The following SUCO variants were observed in gnomAD, a reference collection of about 807,000 sequenced individuals.
SUCO encodes the protein SUN domain-containing ossification factor.
Under a neutral mutation model 148.1 loss-of-function variants are expected in SUCO, and 57 were observed. The ratio of observed to expected loss-of-function variants is 0.38; its 90% CI spans 0.31 to 0.48. SUCO has a LOEUF of 0.48. SUCO is among the 20% of genes least tolerant of loss of function. The probability of loss-of-function intolerance (pLI) is 0.96; values close to 1 mark genes in which losing one functional copy is unlikely to be tolerated. For missense variants in SUCO, 1,331 were observed against 1,468.2 expected, an observed-to-expected ratio of 0.91 and a Z score of 1.53; for synonymous variants, 470 against 502.7, an observed-to-expected ratio of 0.93 and a Z score of 0.87.
chr1:172,606,188 AT>A (rs1305478538), intron 22 of SUCO, among the ~76,000 whole-genome samples: 7 of 151,614 alleles, frequency 4.6e-5, no homozygotes, highest in Non-Finnish European at 8.9e-5. Context: ...TTTTGCATCT[AT>A]ATGAATAAGA....
At position 172,610,138 on chromosome 1, in the gene SUCO, T is replaced by G. The variant is rs1192555320; in HGVS notation, c.3644T>G (p.Leu1215Trp). The change falls in exon 24 of 24, where the codon TTG becomes TGG. Residue 1215 changes from leucine (L) to tryptophan (W), a missense_variant. Around this residue, in one of 3 missense-constraint regions of SUCO, gnomAD observed 334 missense variants for 352.3 expected, o/e 0.95. Coordinates refer to ENST00000263688, the MANE Select transcript of SUCO (RefSeq NM_014283.5). ...TCTAAAGTCCAAGACCAAGGAAAAT[T>G]GATAAAAACTCTAATACAGACTAAG... The part of the protein sequence containing the change: ...RRSKVQDQGK[L>W]IKTLIQTKSG... 6.2e-7 allele frequency: 1 copy of G among 1,613,616 alleles called. No individual in the cohort carries two copies. The highest frequency in any genetic ancestry group is 8.5e-7 in the Non-Finnish European group (1 of 1,179,816).
In SUCO at chr1:172,589,539, C is replaced by G; in HGVS notation, c.2438C>G (p.Ser813Cys). The G allele has an allele frequency of 6.2e-7, 1 of 1,613,660 alleles. No homozygotes were observed. The highest frequency in any genetic ancestry group is 8.5e-7 in the Non-Finnish European group (1 of 1,179,828). The change falls in exon 18 of 24, where the codon TCC (serine) becomes TGC (cysteine). Residue 813 changes from serine to cysteine, a missense_variant. Physicochemically the swap from Ser to Cys is moderately radical, Grantham distance 112. Transcript: ENST00000263688. The stretch of plus-strand genomic sequence containing the variant: ...AATATTATAAAAGAAGATGTGAACT[C>G]CATGCAAATTTTCACAAAGCTGTCT... ...MDNIIKEDVN[S>C]MQIFTKLSET...
chr1:172,551,405 T>A (rs1653285947), intron 1 of SUCO, 107 bp from the exon 2 acceptor site: 1 of 597,752 alleles, frequency 1.7e-6, no homozygotes, highest in Non-Finnish European at 2.9e-6. Flanking sequence ...TCTGTCTGTT[T>A]ATCGCCTCAA....
At chr1:172,609,223 T>TG (rs1445592103) in intron 23 of SUCO, 1 of 980,284 alleles carries the variant, frequency 1.0e-6, no homozygotes, top group East Asian at 1.1e-4. Context: ...CCTCATTTTT[T>TG]TTTTTAATAA....
Position 172,533,191 on chromosome 1 carries a change from G to C in SUCO, c.-245G>C. ...GGCTGCAGGAGGCGGGCGTGGACGA[G>C]CCGGTGGCTGCAGCGGCGGCGGTCC... On this transcript the variant is annotated 5_prime_UTR_variant, in exon 1 of 24. Transcript: ENST00000263688. 1 of 1,502,340 alleles carries C rather than the reference G, an allele frequency of 6.7e-7. No homozygotes were observed. The highest frequency in any genetic ancestry group is 1.3e-5 in the South Asian group (1 of 78,912). The allele number at this position is 1,502,340 out of a possible 1,614,324, so 93.1% of individuals were successfully genotyped here.
Position 172,589,380 on chromosome 1 carries a change from T to A in SUCO, c.2279T>A (p.Ile760Lys), listed in dbSNP as rs767315378. ...TCTGTTGAATATGAGGCAGGACATA[T>A]ACCATCACCAGTGATTCCCCAAGAG... is the stretch of plus-strand genomic sequence containing the variant. ...SESVEYEAGHIPSPVIPQESS... is the reference protein window; with the variant it reads ...SESVEYEAGHKPSPVIPQESS... Residue 760 changes from isoleucine to lysine, a missense_variant, in exon 18 of 24, where the codon ATA becomes AAA. By Grantham distance (102) the Ile-to-Lys change is moderately radical. Coordinates refer to ENST00000263688, the MANE Select transcript of SUCO (RefSeq NM_014283.5). The A allele has an allele frequency of 6.2e-7, 1 of 1,613,786 alleles. No homozygotes were observed.
intron 21 of SUCO, 69 bp from the exon 22 acceptor site, chr1:172,602,627 C>T: frequency 6.3e-7 from 1 of 1,578,436 alleles, no homozygotes; most frequent in Non-Finnish European, 8.6e-7. Flanking sequence ...TCTGTGTAGC[C>T]TCAACAAAAG....
chr1:172,557,441 C>G lies in SUCO; in HGVS notation c.581+24C>G, dbSNP rs1340964025. On this transcript the variant is annotated intron_variant, in intron 5 of 23. Transcript: ENST00000263688. Reference sequence around the variant, plus strand: ...AGGTGGGTAGGAGCAGTTGTTTGTCCTTCTTATGATTCTGTAATAACAGCA... The same window carrying G: ...AGGTGGGTAGGAGCAGTTGTTTGTCGTTCTTATGATTCTGTAATAACAGCA... 22 of 1,613,142 alleles carry G rather than the reference C, an allele frequency of 1.4e-5. No individual in the cohort carries two copies. The South Asian group carries it at 2.3e-4, about 17-fold the overall frequency.
intron 6 of SUCO, among the ~76,000 whole-genome samples, chr1:172,559,396 T>G (rs1653976304): frequency 6.6e-6 from 1 of 152,226 alleles, no homozygotes; most frequent in Non-Finnish European, 1.5e-5. Context: ...AAGTGTATGT[T>G]TCTTGTTTAT....
At chr1:172,595,056 T>C (rs1205616391) in intron 19 of SUCO, among the ~76,000 whole-genome samples, 1 of 152,236 alleles carries the variant, frequency 6.6e-6, no homozygotes, top group African/African-American at 2.4e-5. Context: ...TTTGTCTCTT[T>C]TGATCTTTGT....
chr1:172,587,961 C>A, intron 17 of SUCO: 1 of 379,950 alleles, frequency 2.6e-6, no homozygotes. Flanking sequence ...CTGTATGCCA[C>A]ATACATACTC....
chr1:172,578,231 A>G, intron 13 of SUCO, 67 bp from the exon 14 acceptor site: 2 of 1,200,872 alleles, frequency 1.7e-6, no homozygotes, highest in South Asian at 2.5e-5. Context: ...TTTGTCATTT[A>G]TTGTGAAGAG....
At chr1:172,605,683 T>G (rs889093204) in intron 22 of SUCO, among the ~76,000 whole-genome samples, 1 of 151,884 alleles carries the variant, frequency 6.6e-6, no homozygotes, top group African/African-American at 2.4e-5. Context: ...ACTTTCTATA[T>G]AAGCAGTGTC....
At chr1:172,579,173 ATAAT>A in intron 14 of SUCO, 25 bp from the exon 15 acceptor site, 1 of 1,294,416 alleles carries the variant, frequency 7.7e-7, no homozygotes, top group East Asian at 2.3e-5. Flanking sequence ...AGATCTCAGC[ATAAT>A]TACTTTTATT....
intron 20 of SUCO, among the ~76,000 whole-genome samples, chr1:172,600,993 T>C (rs1335559916): frequency 6.6e-6 from 1 of 152,220 alleles, no homozygotes; most frequent in African/African-American, 2.4e-5. Context: ...TTCAAGATAT[T>C]GGCAGAGGCC....
At chr1:172,574,056 CA>C in intron 10 of SUCO, 58 bp downstream of exon 10, 4 of 985,396 alleles carry the variant, frequency 4.1e-6, no homozygotes, top group African/African-American at 1.7e-5. Flanking sequence ...AAAAGAAAAA[CA>C]AAAAAACAAA....
intron 9 of SUCO, 35 bp from the exon 10 acceptor site, chr1:172,573,856 T>G: frequency 1.7e-6 from 2 of 1,158,784 alleles, no homozygotes; most frequent in East Asian, 2.4e-5. Context: ...GTTATTTTGA[T>G]TGGTTTAAGT....
chr1:172,590,618 A>C (rs948055838), intron 18 of SUCO, among the ~76,000 whole-genome samples: 1 of 152,142 alleles, frequency 6.6e-6, no homozygotes, highest in East Asian at 1.9e-4. Context: ...CATCTCTTAA[A>C]TTGAAATGCC....
At chr1:172,588,160 T>C (rs1390804081) in intron 17 of SUCO, 20 of 985,162 alleles carry the variant, frequency 2.0e-5, no homozygotes, top group Non-Finnish European at 2.3e-5. Flanking sequence ...GATAATCCTA[T>C]GTGTGTAGGT....
Sources: gnomAD v4.1 joint callset for allele counts (sites outside exome capture counted in the v4.1 genomes callset) on GRCh38, gnomAD v4.1.1 for gene constraint, gnomAD v4.1.1 regional missense constraint, MANE v1.5 for transcripts, NCBI Gene and HGNC (gene_info 2026-07-23, HGNC 2026-07-21) for gene names.